GRIK2: variants seen among roughly 807,000 people sequenced by gnomAD.
The protein encoded by GRIK2 is glutamate ionotropic receptor kainate type subunit 2.
In GRIK2, 32 loss-of-function variants were observed where a neutral mutation model predicts 100.3. The observed-to-expected ratio is 0.32, with a 90% CI of 0.24 to 0.43. GRIK2 has a LOEUF of 0.43. Ranked by LOEUF, GRIK2 falls within the 20% of genes least tolerant of loss-of-function variation. The probability of loss-of-function intolerance (pLI) is 1.00; values close to 1 mark genes in which losing one functional copy is unlikely to be tolerated. For synonymous variants in GRIK2, 417 were observed against 389.4 expected, an observed-to-expected ratio of 1.07 and a Z score of -0.83; for missense variants, 843 against 1,114.9, an observed-to-expected ratio of 0.76 and a Z score of 3.47.
intron 14 of GRIK2, among the ~76,000 whole-genome samples, chr6:101,944,833 TGTA>T (rs1791177807): frequency 6.6e-6 from 1 of 152,072 alleles, no homozygotes; most frequent in Non-Finnish European, 1.5e-5. Flanking sequence ...ATAGCAAACT[TGTA>T]GTCTCAAAAA....
intron 11 of GRIK2, among the ~76,000 whole-genome samples, chr6:101,885,206 T>A (rs1786530998): frequency 6.6e-6 from 1 of 152,130 alleles, no homozygotes; most frequent in Non-Finnish European, 1.5e-5. Flanking sequence ...ATTACATGAT[T>A]CTGTTTATAA....
At chr6:101,938,652 A>T (rs1934671) in intron 14 of GRIK2, among the ~76,000 whole-genome samples, 5,190 of 152,162 alleles carry the variant, frequency 0.034, 311 homozygotes, top group African/African-American at 0.12. Flanking sequence ...TCAGAGAAGT[A>T]CTTTAATAAT....
intron 2 of GRIK2, among the ~76,000 whole-genome samples, chr6:101,499,288 G>A (rs1022454411): frequency 7.2e-5 from 11 of 151,930 alleles, no homozygotes; most frequent in Non-Finnish European, 1.5e-4. Flanking sequence ...ATTTTCTTAC[G>A]CTTACCGAAT....
chr6:101,652,499 C>A (rs963552587), intron 4 of GRIK2, among the ~76,000 whole-genome samples: 4 of 152,064 alleles, frequency 2.6e-5, no homozygotes, highest in Non-Finnish European at 4.4e-5. Context: ...CCAGCCTGAA[C>A]TAATTAAGGC....
At chr6:101,926,326 G>A (rs1198325059) in intron 13 of GRIK2, among the ~76,000 whole-genome samples, 1 of 151,352 alleles carries the variant, frequency 6.6e-6, no homozygotes, top group Non-Finnish European at 1.5e-5. Context: ...TATAAGTAGT[G>A]TTGAGTAATA....
In GRIK2 at chr6:101,663,959, A is replaced by C. The variant is rs560428556; in HGVS notation, c.542-12664A>C. On this transcript the variant is annotated intron_variant, in intron 4 of 16. Coordinates refer to ENST00000369134, the MANE Select transcript of GRIK2 (RefSeq NM_021956.5). ...GATACTGACAGAACTTTTGAGGAAA[A>C]TATCTTTTTATGAGTGTGAAATTCT... Among the ~76,000 whole-genome samples, 16 of 152,348 alleles carry C rather than the reference A, an allele frequency of 1.1e-4. No homozygotes were observed. In the East Asian group the frequency reaches 2.9e-3, roughly 28 times the overall value.
At chr6:101,912,941 T>C (rs1475001898) in intron 12 of GRIK2, among the ~76,000 whole-genome samples, 2 of 151,590 alleles carry the variant, frequency 1.3e-5, no homozygotes, top group East Asian at 3.9e-4. Flanking sequence ...ATAATCATTC[T>C]GATATTTTGT....
chr6:102,068,435 T>C lies in GRIK2; in HGVS notation c.2651T>C (p.Ile884Thr), dbSNP rs1425148373. 6 of 1,612,234 alleles carry C rather than the reference T, an allele frequency of 3.7e-6. No individual in the cohort carries two copies. The highest frequency in any genetic ancestry group is 5.1e-6 in the Non-Finnish European group (6 of 1,178,732). Reference sequence around the variant, plus strand: ...AAACATAAGCCACAGGCCCCAGTTATTGTGAAAACAGAAGAAGTTATCAAC... The same window carrying C: ...AAACATAAGCCACAGGCCCCAGTTACTGTGAAAACAGAAGAAGTTATCAAC... The part of the protein sequence containing the change: ...RLKHKPQAPV[I>T]VKTEEVINMH... The change falls in exon 17 of 17, where the codon ATT becomes ACT. Residue 884 changes from isoleucine to threonine, a missense_variant. Physicochemically the swap from Ile to Thr is moderately conservative, Grantham distance 89 (BLOSUM62 -1). Around this residue, in one of 3 missense-constraint regions of GRIK2, gnomAD observed 87 missense variants for 83.2 expected, o/e 1.05. Coordinates refer to ENST00000369134, the MANE Select transcript of GRIK2 (RefSeq NM_021956.5).
At chr6:101,906,156 T>C (rs1788205729) in intron 12 of GRIK2, among the ~76,000 whole-genome samples, 1 of 151,704 alleles carries the variant, frequency 6.6e-6, no homozygotes, top group South Asian at 2.1e-4. Flanking sequence ...TGTACCATAG[T>C]ACAAAAAGCT....
chr6:102,033,986 T>C (rs922091947), intron 14 of GRIK2, among the ~76,000 whole-genome samples: 5 of 151,430 alleles, frequency 3.3e-5, no homozygotes, highest in Non-Finnish European at 7.4e-5. Context: ...GTTTATCACA[T>C]GGATTACAGT....
intron 2 of GRIK2, among the ~76,000 whole-genome samples, chr6:101,489,537 C>A (rs1162471540): frequency 4.1e-5 from 6 of 146,196 alleles, no homozygotes; most frequent in Admixed American, 1.4e-4. Flanking sequence ...ATCATTTTGC[C>A]AACTATGATA....
chr6:101,813,791 C>T (rs542517431), intron 9 of GRIK2, among the ~76,000 whole-genome samples: 4 of 151,964 alleles, frequency 2.6e-5, no homozygotes, highest in South Asian at 2.1e-4. Flanking sequence ...TGGTGAAACC[C>T]ATCTTTTCTA....
chr6:101,805,740 A>AC, intron 9 of GRIK2, among the ~76,000 whole-genome samples: 1 of 152,078 alleles, frequency 6.6e-6, no homozygotes, highest in East Asian at 1.9e-4. Context: ...GCTGAAAAGA[A>AC]GGTCATTTTG....
At chr6:101,456,449 G>C (rs978401327) in intron 2 of GRIK2, among the ~76,000 whole-genome samples, 1 of 152,000 alleles carries the variant, frequency 6.6e-6, no homozygotes, top group African/African-American at 2.4e-5. Flanking sequence ...CCACTAGTGA[G>C]AGTTGTCCTG....
chr6:101,436,675 T>C (rs1769737650), intron 2 of GRIK2, among the ~76,000 whole-genome samples: 2 of 151,996 alleles, frequency 1.3e-5, no homozygotes, highest in South Asian at 4.1e-4. Flanking sequence ...ATTTTATGTA[T>C]AAATCTTTTG....
chr6:101,592,624 T>TATA (rs71028078), intron 2 of GRIK2, among the ~76,000 whole-genome samples: 15 of 133,484 alleles, frequency 1.1e-4, no homozygotes, highest in South Asian at 2.4e-4. Flanking sequence ...TATATATATA[T>TATA]TGCTTTTTCA....
intron 4 of GRIK2, among the ~76,000 whole-genome samples, chr6:101,670,774 C>G (rs1281300160): frequency 2.0e-5 from 3 of 152,050 alleles, no homozygotes; most frequent in Non-Finnish European, 4.4e-5. Context: ...CAATATTTTC[C>G]CATGTTACCC....
chr6:101,621,799 T>C, intron 2 of GRIK2, 150 bp from the exon 3 acceptor site: 4 of 397,488 alleles, frequency 1.0e-5, no homozygotes, highest in Admixed American at 3.9e-5. Flanking sequence ...AATCTCTCCC[T>C]CTCTCTCTCT....
At chr6:101,921,973 A>T (rs1371824874) in intron 12 of GRIK2, among the ~76,000 whole-genome samples, 4 of 151,998 alleles carry the variant, frequency 2.6e-5, no homozygotes, top group Non-Finnish European at 5.9e-5. Context: ...TTAAATATCA[A>T]TTTACCAAAC....
Sources: gnomAD v4.1 joint callset for allele counts (sites outside exome capture counted in the v4.1 genomes callset) on GRCh38, gnomAD v4.1.1 for gene constraint, gnomAD v4.1.1 regional missense constraint, MANE v1.5 for transcripts, NCBI Gene and HGNC (gene_info 2026-07-23, HGNC 2026-07-21) for gene names.